The following SLC25A13 variants were observed in gnomAD, a reference collection of about 807,000 sequenced individuals.
SLC25A13 encodes electrogenic aspartate/glutamate antiporter SLC25A13, mitochondrial.
A neutral mutation model predicts 85.5 loss-of-function variants in SLC25A13; 70 were observed. That is an observed-to-expected ratio of 0.82 (90% CI 0.68 to 1.00). The LOEUF (loss-of-function observed/expected upper bound fraction) is 1.00. Among genes scored for constraint, SLC25A13 ranks in the 50% least tolerant of loss-of-function variants. SLC25A13 has a pLI of 0.00. For synonymous variants in SLC25A13, 259 were observed against 288.7 expected, an observed-to-expected ratio of 0.90 and a Z score of 1.04; for missense variants, 765 against 819.8, an observed-to-expected ratio of 0.93 and a Z score of 0.82.
At chr7:96,199,767 GA>G (rs941645148) in intron 5 of SLC25A13, among the ~76,000 whole-genome samples, 5 of 148,760 alleles carry the variant, frequency 3.4e-5, no homozygotes, top group Admixed American at 2.0e-4. Flanking sequence ...GACTGCTGTA[GA>G]AAAAAAAAAT....
chr7:96,167,479 G>A (rs950534711), intron 13 of SLC25A13, among the ~76,000 whole-genome samples: 3 of 152,210 alleles, frequency 2.0e-5, no homozygotes, highest in Admixed American at 6.5e-5. Flanking sequence ...CCTCATTTTT[G>A]CAGAAAACAG....
At chr7:96,184,556 T>TCTGTA in intron 10 of SLC25A13, 121 bp from the exon 11 acceptor site, 1 of 950,048 alleles carries the variant, frequency 1.1e-6, no homozygotes, top group Non-Finnish European at 1.6e-6. Flanking sequence ...TAAATACAGA[T>TCTGTA]TTTAAAACAG....
chr7:96,201,380 G>C (rs906688284), intron 5 of SLC25A13, among the ~76,000 whole-genome samples: 4 of 151,708 alleles, frequency 2.6e-5, no homozygotes, highest in African/African-American at 9.7e-5. Context: ...GCATGGGGTT[G>C]GGCAGCCTGT....
intron 2 of SLC25A13, among the ~76,000 whole-genome samples, chr7:96,289,198 T>G (rs1799014968): frequency 1.3e-5 from 2 of 152,230 alleles, no homozygotes; most frequent in Admixed American, 6.5e-5. Context: ...CTGAGGGTCC[T>G]GACTGTTAGA....
At chr7:96,138,582 T>C (rs767650644) in intron 14 of SLC25A13, among the ~76,000 whole-genome samples, 7 of 152,014 alleles carry the variant, frequency 4.6e-5, no homozygotes, top group Non-Finnish European at 7.4e-5. Context: ...TATTTTTGTG[T>C]AGAGATGAGG....
intron 14 of SLC25A13, among the ~76,000 whole-genome samples, chr7:96,134,220 GAGACGGGGTTTCACCACGTTGGGCAGGC>G (rs1792163874): frequency 3.3e-5 from 5 of 151,852 alleles, no homozygotes; most frequent in Admixed American, 3.3e-4. Flanking sequence ...ATTTTTAGTA[GAGACGGGGTTTCACCACGTTGGGCAGGC>G]TGGTCTCCAA....
intron 2 of SLC25A13, among the ~76,000 whole-genome samples, chr7:96,286,729 C>G (rs1251650138): frequency 2.0e-5 from 3 of 152,174 alleles, no homozygotes; most frequent in Non-Finnish European, 4.4e-5. Context: ...GTCCATGACA[C>G]TGTATCTAGG....
At chr7:96,223,308 C>A (rs896450556) in intron 4 of SLC25A13, among the ~76,000 whole-genome samples, 3 of 152,174 alleles carry the variant, frequency 2.0e-5, no homozygotes, top group Non-Finnish European at 4.4e-5. Context: ...GCACGTAAAA[C>A]ATATTTCATG....
intron 4 of SLC25A13, among the ~76,000 whole-genome samples, chr7:96,211,790 A>G (rs775604730): frequency 6.6e-6 from 1 of 152,196 alleles, no homozygotes; most frequent in Non-Finnish European, 1.5e-5. Context: ...GTCATTTCTC[A>G]CCACTTCAGT....
intron 15 of SLC25A13, among the ~76,000 whole-genome samples, chr7:96,130,924 G>A (rs891053730): frequency 6.6e-6 from 1 of 152,132 alleles, no homozygotes; most frequent in South Asian, 2.1e-4. Context: ...GCACAAAACA[G>A]CAAACAACTT....
intron 1 of SLC25A13, among the ~76,000 whole-genome samples, chr7:96,304,842 G>C (rs1799685679): frequency 6.6e-6 from 1 of 152,186 alleles, no homozygotes; most frequent in Non-Finnish European, 1.5e-5. Context: ...CCTGCCCCAA[G>C]CAGGGAAAGC....
intron 15 of SLC25A13, among the ~76,000 whole-genome samples, chr7:96,123,015 A>G (rs2116389110): frequency 6.6e-6 from 1 of 152,256 alleles, no homozygotes; most frequent in East Asian, 1.9e-4. Context: ...CTTCTAACAG[A>G]CAGCTTTAAA....
At chr7:96,155,271 T>C (rs1793216343) in intron 13 of SLC25A13, among the ~76,000 whole-genome samples, 1 of 152,198 alleles carries the variant, frequency 6.6e-6, no homozygotes, top group African/African-American at 2.4e-5. Context: ...ACTTCTCTCT[T>C]ACCAGTTGTG....
At chr7:96,188,334 T>C (rs1794715172) in intron 9 of SLC25A13, among the ~76,000 whole-genome samples, 1 of 152,218 alleles carries the variant, frequency 6.6e-6, no homozygotes, top group African/African-American at 2.4e-5. Flanking sequence ...TTGACTTGCA[T>C]GCTGCACACA....
chr7:96,191,619 A>C (rs1794857691), intron 6 of SLC25A13, among the ~76,000 whole-genome samples: 1 of 152,232 alleles, frequency 6.6e-6, no homozygotes, highest in South Asian at 2.1e-4. Context: ...CTATAAGTAC[A>C]TATGCACACA....
chr7:96,320,787 A>T (rs757097166), intron 1 of SLC25A13, among the ~76,000 whole-genome samples: 4 of 152,246 alleles, frequency 2.6e-5, no homozygotes, highest in Non-Finnish European at 5.9e-5. Context: ...GGGAGCCTGG[A>T]GAGACTTAAG....
At chr7:96,294,155 T>A (rs1293975909) in intron 2 of SLC25A13, among the ~76,000 whole-genome samples, 2 of 152,058 alleles carry the variant, frequency 1.3e-5, no homozygotes, top group Non-Finnish European at 2.9e-5. Context: ...CTGGAAACCA[T>A]CATTCTCAGC....
intron 2 of SLC25A13, chr7:96,283,315 C>A (rs1798757627): frequency 4.0e-6 from 1 of 251,950 alleles, no homozygotes; most frequent in South Asian, 5.1e-5. Context: ...TAGTAGGGTT[C>A]CTTTCAGCTG....
Position 96,134,814 on chromosome 7 carries a change from A to ATATATATATATATATATATATAT in SLC25A13, c.1453-2934_1453-2933insATATATATATATATATATATATA, listed in dbSNP as rs1554337570. Reference sequence around the variant, plus strand: ...AATTTTATATATATATATATATATAACCCTGAGGAAAGGGTAGAATTGCAA... The same window carrying ATATATATATATATATATATATAT: ...AATTTTATATATATATATATATATAATATATATATATATATATATATATCCCTGAGGAAAGGGTAGAATTGCAA... On this transcript the variant is annotated intron_variant, in intron 14 of 17. Coordinates refer to ENST00000265631, the MANE Select transcript of SLC25A13 (RefSeq NM_014251.3). Among the ~76,000 whole-genome samples the ATATATATATATATATATATATAT allele has an allele frequency of 5.6e-4, 36 of 64,460 alleles. 2 individuals carry two copies. Among genetic ancestry groups the ATATATATATATATATATATATAT allele is most frequent in the African/African-American group, 2.7e-3 (35 of 12,878 alleles). The allele number at this position is 64,460 out of a possible 152,430, so 42.3% of individuals were successfully genotyped here.
Sources: allele counts gnomAD v4.1 joint callset (sites outside exome capture counted in the v4.1 genomes callset), GRCh38; gene constraint gnomAD v4.1.1; transcripts MANE v1.5; gene names NCBI Gene and HGNC (gene_info 2026-07-23, HGNC 2026-07-21).